The following BANK1 variants were observed in gnomAD, a reference collection of about 807,000 sequenced individuals.
The protein encoded by BANK1 is B cell scaffold protein with ankyrin repeats 1.
In BANK1, 95 loss-of-function variants were observed where a neutral mutation model predicts 94.5. That is an observed-to-expected ratio of 1.00 (90% CI 0.85 to 1.19). BANK1 has a LOEUF of 1.19. Ranked by LOEUF, BANK1 falls within the 50% of genes most tolerant of loss-of-function variation. The pLI, the probability that BANK1 is intolerant of heterozygous loss-of-function variation, is 0.00. For synonymous variants in BANK1, 334 were observed against 308.4 expected (o/e 1.08, Z -0.87); for missense variants, 987 against 932.2 (o/e 1.06, Z -0.77).
At chr4:102,016,039 T>C (rs6845846) in intron 7 of BANK1, among the ~76,000 whole-genome samples, 12,508 of 152,216 alleles carry the variant, frequency 0.082, 929 homozygotes, top group African/African-American at 0.2. Context: ...CCACGAAGTA[T>C]TCTTGCTGTT....
intron 7 of BANK1, among the ~76,000 whole-genome samples, chr4:101,946,503 T>C (rs1723936070): frequency 1.3e-5 from 2 of 151,998 alleles, no homozygotes; most frequent in South Asian, 4.1e-4. Context: ...GCACTAATAT[T>C]AGCAGACGGC....
At position 101,790,902 on chromosome 4, in the gene BANK1, A is replaced by T; in HGVS notation, c.22A>T (p.Lys8Ter). 1.9e-6 allele frequency: 3 copies of T among 1,540,392 alleles called. No homozygotes were observed. The highest frequency in any genetic ancestry group is 2.6e-6 in the Non-Finnish European group (3 of 1,147,764). Residue 8 changes from lysine (K) to a stop codon, truncating the protein, a stop_gained, in exon 1 of 17, where the codon AAG becomes TAG. Coordinates refer to ENST00000322953, the MANE Select transcript of BANK1 (RefSeq NM_017935.5). LOFTEE classifies it high-confidence loss of function. ...CACAATGCTGCCAGCAGCGCCAGGC[A>T]AGGGGCTTGGGAGCCCGGACCCCGC... MLPAAPG[K>*]GLGSPDPAPC... is the part of the protein sequence containing the mutation.
intron 7 of BANK1, among the ~76,000 whole-genome samples, chr4:102,010,071 C>T (rs1053208802): frequency 1.2e-4 from 18 of 151,692 alleles, no homozygotes; most frequent in Admixed American, 2.6e-4. Context: ...TCGAGACCAT[C>T]CTGGCTAACA....
In BANK1 at chr4:101,814,029, G is replaced by A. The variant is rs1725811015; in HGVS notation, c.71-15779G>A. The A allele has an allele frequency of 7.6e-6, 3 of 393,374 alleles. No homozygotes were observed. In the Admixed American group the frequency reaches 1.9e-4, roughly 25 times the overall value. 24.4% of individuals were successfully genotyped at this position (393,374 alleles called of 1,614,324 possible). ...AATTTTGAGATGATATTTCTTTAGA[G>A]GGGTTTGCTAAAGTTATGTTTTAAT... On this transcript the variant is annotated intron_variant, in intron 1 of 16. Transcript: ENST00000322953.
At chr4:101,902,051 C>T (rs1056711458) in intron 6 of BANK1, among the ~76,000 whole-genome samples, 3 of 152,132 alleles carry the variant, frequency 2.0e-5, no homozygotes, top group East Asian at 1.9e-4. Flanking sequence ...TGAGCCACCA[C>T]GCCTGGCCCA....
intron 7 of BANK1, among the ~76,000 whole-genome samples, chr4:101,995,056 G>A (rs1578442812): frequency 2.0e-5 from 3 of 152,102 alleles, no homozygotes; most frequent in South Asian, 2.1e-4. Context: ...CCATCAACCC[G>A]TCATCTACAT....
At chr4:101,957,661 TAAAG>T (rs1171739342) in intron 7 of BANK1, among the ~76,000 whole-genome samples, 2 of 152,292 alleles carry the variant, frequency 1.3e-5, no homozygotes, top group Non-Finnish European at 1.5e-5. Flanking sequence ...ATTTTCCACT[TAAAG>T]AGAGAAAAAG....
intron 7 of BANK1, among the ~76,000 whole-genome samples, chr4:101,924,527 A>T (rs557215386): frequency 2.3e-4 from 35 of 151,920 alleles, no homozygotes; most frequent in African/African-American, 7.7e-4. Context: ...AGTAGGAAAC[A>T]GAAGCAGAAA....
chr4:101,900,204 A>T (rs1012351797), intron 6 of BANK1, among the ~76,000 whole-genome samples: 1 of 152,212 alleles, frequency 6.6e-6, no homozygotes, highest in African/African-American at 2.4e-5. Flanking sequence ...CTCCAGAAAC[A>T]GGCGGCCTGT....
At chr4:101,813,486 T>G (rs777340059) in intron 1 of BANK1, among the ~76,000 whole-genome samples, 1 of 152,210 alleles carries the variant, frequency 6.6e-6, no homozygotes, top group Non-Finnish European at 1.5e-5. Context: ...CAAACTTGAG[T>G]GGACTTAAGA....
At chr4:102,012,606 T>A (rs893992487) in intron 7 of BANK1, among the ~76,000 whole-genome samples, 1 of 152,182 alleles carries the variant, frequency 6.6e-6, no homozygotes, top group Non-Finnish European at 1.5e-5. Flanking sequence ...AAGAGTATAA[T>A]CTGTGTGGGA....
At chr4:102,028,974 G>A (rs1442872137) in intron 9 of BANK1, among the ~76,000 whole-genome samples, 1 of 151,868 alleles carries the variant, frequency 6.6e-6, no homozygotes, top group Non-Finnish European at 1.5e-5. Context: ...GAGTGCAATG[G>A]CATGCCTATA....
chr4:101,801,870 AC>A (rs1350485374), intron 1 of BANK1, among the ~76,000 whole-genome samples: 1 of 152,210 alleles, frequency 6.6e-6, no homozygotes, highest in African/African-American at 2.4e-5. Flanking sequence ...GCTGTTGAAC[AC>A]TTTTTAACAC....
intron 7 of BANK1, among the ~76,000 whole-genome samples, chr4:101,923,511 T>C (rs553159558): frequency 6.6e-6 from 1 of 151,934 alleles, no homozygotes; most frequent in South Asian, 2.1e-4. Context: ...GACCCTGCCC[T>C]CTTTCTGAAG....
chr4:102,024,569 C>A (rs1727015711), intron 8 of BANK1, among the ~76,000 whole-genome samples: 1 of 151,864 alleles, frequency 6.6e-6, no homozygotes, highest in South Asian at 2.1e-4. Context: ...GGGTAGAATG[C>A]ATTTATAGGT....
intron 11 of BANK1, among the ~76,000 whole-genome samples, chr4:102,056,895 C>T (rs1728244154): frequency 6.6e-6 from 1 of 152,130 alleles, no homozygotes; most frequent in African/African-American, 2.4e-5. Context: ...AATCCCTCTA[C>T]TCAAGAGGCT....
intron 7 of BANK1, among the ~76,000 whole-genome samples, chr4:101,965,505 T>G (rs1450768532): frequency 4.6e-5 from 7 of 151,898 alleles, no homozygotes; most frequent in Non-Finnish European, 7.4e-5. Flanking sequence ...ATCTAAAGAG[T>G]ATTTCAAACT....
intron 3 of BANK1, 139 bp downstream of exon 3, chr4:101,855,328 C>A: frequency 1.4e-6 from 1 of 713,110 alleles, no homozygotes; most frequent in African/African-American, 1.8e-5. Context: ...ATCCTCCTGC[C>A]TCAGCCTCCC....
chr4:101,974,682 TACTG>T (rs914116665), intron 7 of BANK1, among the ~76,000 whole-genome samples: 8 of 152,106 alleles, frequency 5.3e-5, no homozygotes, highest in African/African-American at 1.9e-4. Context: ...CCCTTTGTGA[TACTG>T]ACTTTTTCAT....
Sources: allele counts gnomAD v4.1 joint callset (sites outside exome capture counted in the v4.1 genomes callset), GRCh38; gene constraint gnomAD v4.1.1; transcripts MANE v1.5; gene names NCBI Gene and HGNC (gene_info 2026-07-23, HGNC 2026-07-21).